DGKI: variants seen among roughly 807,000 people sequenced by gnomAD.
The protein encoded by DGKI is diacylglycerol kinase iota.
A neutral mutation model predicts 147.5 loss-of-function variants in DGKI; 55 were observed. The ratio of observed to expected loss-of-function variants is 0.37; its 90% CI spans 0.30 to 0.47. The LOEUF (loss-of-function observed/expected upper bound fraction) is 0.47. Among genes scored for constraint, DGKI ranks in the 20% least tolerant of loss-of-function variants. The pLI is 1.00. For missense variants in DGKI, 1,007 were observed against 1,323.8 expected, an observed-to-expected ratio of 0.76 and a Z score of 3.71; for synonymous variants, 469 against 477.1, an observed-to-expected ratio of 0.98 and a Z score of 0.22.
intron 2 of DGKI, among the ~76,000 whole-genome samples, chr7:137,683,663 T>C (rs74900018): frequency 0.011 from 1,653 of 152,270 alleles, 32 homozygotes; most frequent in African/African-American, 0.038. Context: ...CGAAATACCA[T>C]CTCAAATAGT....
intron 6 of DGKI, among the ~76,000 whole-genome samples, chr7:137,643,013 C>T (rs574731837): frequency 6.2e-5 from 9 of 145,902 alleles, no homozygotes; most frequent in East Asian, 2.0e-4. Flanking sequence ...GAATATGGGC[C>T]GGGCGCGGTG....
intron 1 of DGKI, among the ~76,000 whole-genome samples, chr7:137,767,018 C>T (rs958435053): frequency 1.3e-4 from 20 of 152,198 alleles, no homozygotes; most frequent in South Asian, 2.1e-4. Flanking sequence ...CACTACCAGA[C>T]GAGCCGGGGC....
intron 10 of DGKI, among the ~76,000 whole-genome samples, chr7:137,600,665 T>C (rs1819958372): frequency 6.6e-6 from 1 of 152,216 alleles, no homozygotes; most frequent in South Asian, 2.1e-4. Flanking sequence ...TTATTGTCTG[T>C]ATAATATAAA....
At chr7:137,420,287 A>G (rs780027219) in intron 28 of DGKI, among the ~76,000 whole-genome samples, 5 of 152,236 alleles carry the variant, frequency 3.3e-5, no homozygotes, top group African/African-American at 4.8e-5. Flanking sequence ...ACGTTTGCGC[A>G]TATACAAGGA....
At chr7:137,844,733 C>G (rs1488801758) in intron 1 of DGKI, among the ~76,000 whole-genome samples, 2 of 152,218 alleles carry the variant, frequency 1.3e-5, no homozygotes, top group African/African-American at 4.8e-5. Flanking sequence ...AAACCCCACA[C>G]AACATACATT....
chr7:137,427,068 A>G (rs1812843870), intron 28 of DGKI, among the ~76,000 whole-genome samples: 1 of 151,556 alleles, frequency 6.6e-6, no homozygotes, highest in South Asian at 2.1e-4. Flanking sequence ...CATCTACAGA[A>G]CTCTCCAACC....
intron 27 of DGKI, among the ~76,000 whole-genome samples, chr7:137,455,269 C>A (rs1814145683): frequency 6.6e-6 from 1 of 152,026 alleles, no homozygotes; most frequent in African/African-American, 2.4e-5. Context: ...TTCCTCCTGA[C>A]TCTAATGTGT....
At chr7:137,511,509 G>A (rs1171524464) in intron 21 of DGKI, among the ~76,000 whole-genome samples, 1 of 152,138 alleles carries the variant, frequency 6.6e-6, no homozygotes, top group African/African-American at 2.4e-5. Context: ...TGGCATAGCA[G>A]GGAAATCAGG....
At chr7:137,432,217 C>T (rs1731907) in intron 28 of DGKI, among the ~76,000 whole-genome samples, 73,157 of 152,016 alleles carry the variant, frequency 0.48, 19,065 homozygotes, top group East Asian at 0.74. Context: ...CTTTTCTTTA[C>T]AAATTACCCA....
intron 21 of DGKI, among the ~76,000 whole-genome samples, chr7:137,511,731 C>T (rs1211970959): frequency 6.6e-6 from 1 of 152,202 alleles, no homozygotes; most frequent in African/African-American, 2.4e-5. Flanking sequence ...CAAGACTCTG[C>T]TTTCGGAACT....
chr7:137,425,097 TCCCTGACCCCTGAC>T (rs1316705545), intron 28 of DGKI, among the ~76,000 whole-genome samples: 2,335 of 151,240 alleles, frequency 0.015, 52 homozygotes, highest in African/African-American at 0.055. Flanking sequence ...CTCAAATGGG[TCCCTGACCCCTGAC>T]CCCTGACCCC....
chr7:137,610,470 G>C (rs541988397), intron 8 of DGKI, among the ~76,000 whole-genome samples: 2 of 152,230 alleles, frequency 1.3e-5, no homozygotes, highest in Admixed American at 6.5e-5. Flanking sequence ...CTGTCATAGG[G>C]ATCAGTCACA....
At chr7:137,722,394 C>A (rs189498499) in intron 1 of DGKI, 3 of 1,611,984 alleles carry the variant, frequency 1.9e-6, no homozygotes, top group African/African-American at 1.3e-5. Flanking sequence ...TCAGTCAGCA[C>A]GTGAGAAAAC....
At chr7:137,435,359 G>A (rs565284246) in intron 28 of DGKI, among the ~76,000 whole-genome samples, 37 of 152,270 alleles carry the variant, frequency 2.4e-4, no homozygotes, top group African/African-American at 6.3e-4. Context: ...TGTCCTTAGC[G>A]TCTATAGAGG....
rs368960724 is a variant in DGKI at position 137,577,685 on chromosome 7, C to T, written c.1699-401G>A. 5.2e-3 allele frequency among the ~76,000 whole-genome samples: 798 copies of T among 152,280 alleles called. 5 individuals are homozygous for T. The highest frequency in any genetic ancestry group is 0.019 in the African/African-American group (770 of 41,564). Reference sequence around the variant, plus strand: ...ATAAACTACGTATGCAGCTCCCAAACGCCTTTTATTTAAACTCCTCCTATC... The same window carrying T: ...ATAAACTACGTATGCAGCTCCCAAATGCCTTTTATTTAAACTCCTCCTATC... On this transcript the variant is annotated intron_variant, in intron 16 of 32. Transcript: ENST00000614521.
chr7:137,722,722 T>C (rs1314291790), intron 1 of DGKI: 12 of 1,584,164 alleles, frequency 7.6e-6, no homozygotes, highest in Admixed American at 5.0e-5. Context: ...TACGGAGCAG[T>C]GCAAGATTGA....
chr7:137,806,992 A>G (rs1797393506), intron 1 of DGKI, among the ~76,000 whole-genome samples: 2 of 152,212 alleles, frequency 1.3e-5, no homozygotes, highest in African/African-American at 4.8e-5. Flanking sequence ...GAGCCCTCGA[A>G]ATAAGGAGCT....
chr7:137,540,912 G>A (rs1817679685), intron 20 of DGKI, among the ~76,000 whole-genome samples: 1 of 151,688 alleles, frequency 6.6e-6, no homozygotes, highest in African/African-American at 2.4e-5. Flanking sequence ...GAGACACAGA[G>A]AATTTATGAA....
chr7:137,412,094 T>C (rs974189672), intron 29 of DGKI, 76 bp downstream of exon 29: 9 of 1,349,258 alleles, frequency 6.7e-6, no homozygotes, highest in Middle Eastern at 1.8e-4. Context: ...GATGGGAACA[T>C]AGAGTTTTGA....
Sources: gnomAD v4.1 joint callset for allele counts (sites outside exome capture counted in the v4.1 genomes callset) on GRCh38, gnomAD v4.1.1 for gene constraint, MANE v1.5 for transcripts, NCBI Gene and HGNC (gene_info 2026-07-23, HGNC 2026-07-21) for gene names.